COBLL1: variants seen among roughly 807,000 people sequenced by gnomAD.
COBLL1 encodes the protein cordon-bleu WH2 repeat protein like 1.
Under a neutral mutation model 94.8 loss-of-function variants are expected in COBLL1, and 50 were observed. The ratio of observed to expected loss-of-function variants is 0.53; its 90% CI spans 0.42 to 0.67. The LOEUF is 0.67. Ranked by LOEUF, COBLL1 falls within the 30% of genes least tolerant of loss-of-function variation. COBLL1 has a pLI of 0.00. For synonymous variants in COBLL1, 448 were observed against 473.8 expected (o/e 0.95, Z 0.71); for missense variants, 1,362 against 1,348.7 (o/e 1.01, Z -0.15).
intron 2 of COBLL1, among the ~76,000 whole-genome samples, chr2:164,747,118 A>C (rs991420929): frequency 1.3e-5 from 2 of 152,192 alleles, no homozygotes; most frequent in African/African-American, 2.4e-5. Flanking sequence ...TAAGCCTAAA[A>C]CTGGGAAGGA....
chr2:164,796,757 T>C (rs1683482217), intron 2 of COBLL1, among the ~76,000 whole-genome samples: 1 of 147,730 alleles, frequency 6.8e-6, no homozygotes, highest in South Asian at 2.1e-4. Flanking sequence ...GAAGGATTGC[T>C]GAGGCCAGGA....
In COBLL1 at chr2:164,841,018, C is replaced by T; in HGVS notation, c.41+138G>A. 2.0e-6 allele frequency: 2 copies of T among 985,476 alleles called. No individual in the cohort carries two copies. Among genetic ancestry groups the T allele is most frequent in the Non-Finnish European group, 2.6e-6 (2 of 765,756 alleles). The allele number at this position is 985,476 out of a possible 1,614,324, so 61.0% of individuals were successfully genotyped here. ...GAAGGCCGGGAGGAAGCAGCCTCCC[C>T]GGCCGCGTGGAGGACAGTCAGTGAG... On this transcript the variant is annotated intron_variant, in intron 2 of 13. Coordinates refer to ENST00000652658, the MANE Select transcript of COBLL1 (RefSeq NM_001365672.2). This position sits in a 1 kb window ranked among gnomAD's most constrained non-coding sequence, Gnocchi z 5.5.
At chr2:164,753,506 C>G (rs544282399) in intron 2 of COBLL1, among the ~76,000 whole-genome samples, 2 of 152,164 alleles carry the variant, frequency 1.3e-5, no homozygotes, top group East Asian at 3.9e-4. Context: ...CCTGCTTCTT[C>G]CAAGTACTCT....
chr2:164,727,777 G>A (rs1300328884), intron 5 of COBLL1, among the ~76,000 whole-genome samples, 192 bp downstream of exon 5: 1 of 150,828 alleles, frequency 6.6e-6, no homozygotes, highest in Non-Finnish European at 1.5e-5. Context: ...CTGAAATTAA[G>A]TTGTTATATT....
intron 2 of COBLL1, among the ~76,000 whole-genome samples, chr2:164,789,442 A>G (rs1329865325): frequency 3.9e-5 from 6 of 152,154 alleles, no homozygotes; most frequent in Admixed American, 6.6e-5. Context: ...AAAATGGGGC[A>G]TGAGACAAGC....
intron 11 of COBLL1, chr2:164,696,074 C>A (rs1184463171): frequency 2.5e-6 from 1 of 401,290 alleles, no homozygotes; most frequent in Non-Finnish European, 4.4e-6. Flanking sequence ...TGTTAATTAA[C>A]CCCTTTGAGC....
At chr2:164,739,147 G>A (rs914244108) in intron 3 of COBLL1, among the ~76,000 whole-genome samples, 2 of 152,054 alleles carry the variant, frequency 1.3e-5, no homozygotes, top group Non-Finnish European at 2.9e-5. Flanking sequence ...GTGACTTTTG[G>A]TCATTAAAGA....
intron 13 of COBLL1, chr2:164,687,374 T>C: frequency 1.3e-6 from 1 of 763,498 alleles, no homozygotes; most frequent in Non-Finnish European, 2.3e-6. Flanking sequence ...TCAGCCACCA[T>C]GTCTTCAAAT....
Position 164,699,383 on chromosome 2 carries a change from G to T in COBLL1, c.1555+22C>A, listed in dbSNP as rs761629947. ...ACATAATAAAAGTAAGAAAGTGTTG[G>T]CTATTAATTTATATAACTCACCATT... On this transcript the variant is annotated intron_variant, in intron 11 of 13. Transcript: ENST00000652658. The T allele has an allele frequency of 3.5e-6, 5 of 1,433,360 alleles. No homozygotes were observed. The African/African-American group carries it at 4.2e-5, about 12-fold the overall frequency. The allele number at this position is 1,433,360 out of a possible 1,614,324, so 88.8% of individuals were successfully genotyped here.
At chr2:164,669,291 C>A (rs1399100556) in intron 1 of COBLL1, among the ~76,000 whole-genome samples, 1 of 152,108 alleles carries the variant, frequency 6.6e-6, no homozygotes, top group Non-Finnish European at 1.5e-5. Context: ...AACATGAATG[C>A]TACCTGGTAA....
At chr2:164,790,825 T>C (rs1326764351) in intron 2 of COBLL1, among the ~76,000 whole-genome samples, 2 of 152,190 alleles carry the variant, frequency 1.3e-5, no homozygotes, top group African/African-American at 4.8e-5. Context: ...TAATACACCA[T>C]TGATCGCTGA....
intron 2 of COBLL1, among the ~76,000 whole-genome samples, chr2:164,808,726 TA>T (rs1218918771): frequency 6.6e-6 from 1 of 152,104 alleles, no homozygotes; most frequent in African/African-American, 2.4e-5. Flanking sequence ...TTAAGCCCTT[TA>T]AAAAAATACA....
intron 2 of COBLL1, among the ~76,000 whole-genome samples, chr2:164,817,361 T>TAAAAAAAAAAAAA (rs10599487): frequency 6.0e-5 from 7 of 116,418 alleles, no homozygotes; most frequent in Admixed American, 1.8e-4. Flanking sequence ...TGGTATATAT[T>TAAAAAAAAAAAAA]AAAAAAAAAA....
At chr2:164,710,265 G>A (rs1044320110) in intron 7 of COBLL1, among the ~76,000 whole-genome samples, 26 of 152,214 alleles carry the variant, frequency 1.7e-4, no homozygotes, top group African/African-American at 4.1e-4. Context: ...TTGGGGAGGC[G>A]CGGTAAAGTC....
intron 9 of COBLL1, 45 bp from the exon 10 acceptor site, chr2:164,700,801 T>C (rs777907998): frequency 8.5e-7 from 1 of 1,173,560 alleles, no homozygotes; most frequent in South Asian, 1.4e-5. Context: ...ATTTGCCTCA[T>C]TCATCACATG....
intron 1 of COBLL1, among the ~76,000 whole-genome samples, chr2:164,666,891 T>C (rs953254859): frequency 4.6e-5 from 7 of 152,306 alleles, no homozygotes; most frequent in African/African-American, 1.7e-4. Context: ...AAGTCATCCA[T>C]GAGGGTTGGA....
At chr2:164,673,811 T>C (rs1263878357) in intron 1 of COBLL1, among the ~76,000 whole-genome samples, 2 of 152,180 alleles carry the variant, frequency 1.3e-5, no homozygotes, top group Admixed American at 6.6e-5. Flanking sequence ...GCAGAATATG[T>C]TTAAATGGAA....
chr2:164,688,894 G>A (rs1363864686), intron 13 of COBLL1, among the ~76,000 whole-genome samples: 1 of 151,938 alleles, frequency 6.6e-6, no homozygotes, highest in Non-Finnish European at 1.5e-5. Flanking sequence ...GACCTTACTT[G>A]TAATAGGGTA....
chr2:164,721,569 T>C (rs755363940), intron 7 of COBLL1, among the ~76,000 whole-genome samples: 2 of 152,202 alleles, frequency 1.3e-5, no homozygotes, highest in Non-Finnish European at 1.5e-5. Flanking sequence ...AAAAGGCTCA[T>C]TTTCTTTTTT....
Sources: gnomAD v4.1 joint callset for allele counts (sites outside exome capture counted in the v4.1 genomes callset) on GRCh38, gnomAD v4.1.1 for gene constraint, Gnocchi (gnomAD v3.1) non-coding constraint, MANE v1.5 for transcripts, NCBI Gene and HGNC (gene_info 2026-07-23, HGNC 2026-07-21) for gene names.